CSMD1: variants seen among roughly 807,000 people sequenced by gnomAD.
CSMD1 encodes the protein CUB and sushi domain-containing protein 1.
Under a neutral mutation model 417.5 loss-of-function variants are expected in CSMD1, and 213 were observed. The ratio of observed to expected loss-of-function variants is 0.51; its 90% CI spans 0.46 to 0.57. CSMD1 has a LOEUF of 0.57. CSMD1 is among the 20% of genes least tolerant of loss of function. The probability of loss-of-function intolerance (pLI) is 0.00; values close to 1 mark genes in which losing one functional copy is unlikely to be tolerated. For missense variants in CSMD1, 6,923 were observed against 4,529.7 expected, an observed-to-expected ratio of 1.53 and a Z score of -15.17; for synonymous variants, 2,862 against 1,736.8, an observed-to-expected ratio of 1.65 and a Z score of -16.11.
At chr8:3,182,660 G>T (rs1285651554) in intron 36 of CSMD1, among the ~76,000 whole-genome samples, 1 of 49,008 alleles carries the variant, frequency 2.0e-5, no homozygotes, top group Non-Finnish European at 4.3e-5. Context: ...GGGGACTCTG[G>T]CTGTCTATAA....
intron 3 of CSMD1, among the ~76,000 whole-genome samples, chr8:4,299,674 G>A (rs531780597): frequency 9.9e-5 from 15 of 151,948 alleles, no homozygotes; most frequent in South Asian, 4.2e-4. Context: ...TCATTCTGTC[G>A]CCAGGCTGGA....
intron 3 of CSMD1, among the ~76,000 whole-genome samples, chr8:4,222,939 A>C (rs558898886): frequency 6.6e-6 from 1 of 152,294 alleles, no homozygotes; most frequent in Non-Finnish European, 1.5e-5. Flanking sequence ...AGTCCTAAAA[A>C]GACATTTCTT....
In CSMD1 at chr8:3,933,007, T is replaced by C. The variant is rs148590603; in HGVS notation, c.818+64896A>G. 8.9e-4 allele frequency among the ~76,000 whole-genome samples: 132 copies of C among 147,510 alleles called. 6 individuals are homozygous for C. Among genetic ancestry groups the C allele is most frequent in the Non-Finnish European group, 1.8e-3 (120 of 66,760 alleles). On this transcript the variant is annotated intron_variant, in intron 5 of 69. Coordinates refer to ENST00000635120, the MANE Select transcript of CSMD1 (RefSeq NM_033225.6). ...TGAAAAACTTTTTAAATGTTTAACA[T>C]TATAGAACAAGTGAAATGTATGATA...
At chr8:4,000,303 C>A (rs1298980797) in intron 4 of CSMD1, among the ~76,000 whole-genome samples, 4 of 152,246 alleles carry the variant, frequency 2.6e-5, no homozygotes, top group Non-Finnish European at 5.9e-5. Flanking sequence ...AGCTGCACAA[C>A]TGCCCAGCTC....
At position 4,678,132 on chromosome 8, in the gene CSMD1, C is replaced by CT. The variant is rs569777931; in HGVS notation, c.86-40575dup. Among the ~76,000 whole-genome samples, 837 of 148,566 alleles carry CT rather than the reference C, an allele frequency of 5.6e-3. 11 individuals carry two copies. The highest frequency in any genetic ancestry group is 0.018 in the African/African-American group (740 of 40,620). On this transcript the variant is annotated intron_variant, in intron 1 of 69. Coordinates refer to ENST00000635120, the MANE Select transcript of CSMD1 (RefSeq NM_033225.6). ...GCAAAACAGTCTAAAAAGAATTTTT[C>CT]TTTTTTTTTTGGCCACTTCTGTAAT...
In CSMD1 at chr8:3,757,317, T is replaced by C. The variant is rs145041319; in HGVS notation, c.819-3275A>G. On this transcript the variant is annotated intron_variant, in intron 5 of 69. Transcript: ENST00000635120. ...GGCTTTATGGGTCACATGGTCTTTG[T>C]TGGAAATTGTTCAACTTTGCAGGTG... Among the ~76,000 whole-genome samples, 253 of 152,312 alleles carry C rather than the reference T, an allele frequency of 1.7e-3. 1 individual carries two copies. Among genetic ancestry groups the C allele is most frequent in the African/African-American group, 5.7e-3 (239 of 41,568 alleles).
intron 2 of CSMD1, among the ~76,000 whole-genome samples, chr8:4,464,365 G>A (rs1276293829): frequency 6.6e-6 from 1 of 152,174 alleles, no homozygotes; most frequent in Non-Finnish European, 1.5e-5. Flanking sequence ...GCTGAAAAGA[G>A]TGATGAAAAT....
At chr8:4,431,654 G>A (rs1797878530) in intron 2 of CSMD1, among the ~76,000 whole-genome samples, 1 of 152,090 alleles carries the variant, frequency 6.6e-6, no homozygotes, top group African/African-American at 2.4e-5. Flanking sequence ...AGGCTAACTG[G>A]AAAGGAAGAA....
At chr8:4,265,228 T>C (rs1038474012) in intron 3 of CSMD1, among the ~76,000 whole-genome samples, 2 of 152,042 alleles carry the variant, frequency 1.3e-5, no homozygotes, top group African/African-American at 2.4e-5. Context: ...TAGTTACAAA[T>C]TGTATTCATA....
At chr8:3,417,071 C>T (rs989957726) in intron 12 of CSMD1, among the ~76,000 whole-genome samples, 6 of 152,178 alleles carry the variant, frequency 3.9e-5, no homozygotes, top group African/African-American at 4.8e-5. Flanking sequence ...TCTGCTCCCA[C>T]GGTTGTGCTT....
chr8:3,211,386 T>C (rs1311121632), intron 30 of CSMD1, among the ~76,000 whole-genome samples: 1 of 152,142 alleles, frequency 6.6e-6, no homozygotes, highest in Non-Finnish European at 1.5e-5. Context: ...ATGTAGTAAT[T>C]GTGTGGTCTA....
At chr8:4,163,047 T>C (rs923876329) in intron 3 of CSMD1, among the ~76,000 whole-genome samples, 4 of 152,216 alleles carry the variant, frequency 2.6e-5, no homozygotes, top group South Asian at 4.1e-4. Context: ...GTTCACTCTA[T>C]GTCTTTGCAT....
chr8:4,832,248 C>T (rs571837139), intron 1 of CSMD1, among the ~76,000 whole-genome samples: 17 of 152,208 alleles, frequency 1.1e-4, no homozygotes, highest in African/African-American at 4.1e-4. Context: ...GGACATTAGC[C>T]AGTAATGGAA....
chr8:4,068,539 T>TA (rs1799378307), intron 3 of CSMD1, among the ~76,000 whole-genome samples: 2 of 152,142 alleles, frequency 1.3e-5, no homozygotes, highest in South Asian at 4.1e-4. Context: ...TGCAGAAACA[T>TA]AAAATGTATC....
At chr8:4,464,715 T>G (rs907976529) in intron 2 of CSMD1, among the ~76,000 whole-genome samples, 1 of 152,024 alleles carries the variant, frequency 6.6e-6, no homozygotes, top group Admixed American at 6.6e-5. Flanking sequence ...TGTTTTAATG[T>G]ATCTACACTG....
chr8:3,493,384 A>C (rs1796217466), intron 11 of CSMD1, among the ~76,000 whole-genome samples: 1 of 151,954 alleles, frequency 6.6e-6, no homozygotes, highest in African/African-American at 2.4e-5. Context: ...ATTTTTTGCC[A>C]TAAACATATA....
At chr8:3,438,378 C>T (rs1814713550) in intron 12 of CSMD1, among the ~76,000 whole-genome samples, 4 of 152,142 alleles carry the variant, frequency 2.6e-5, no homozygotes, top group Admixed American at 2.6e-4. Context: ...TGTCCAGCAA[C>T]ACAGACATCC....
intron 3 of CSMD1, among the ~76,000 whole-genome samples, chr8:4,191,727 A>G (rs1480032396): frequency 7.2e-6 from 1 of 138,304 alleles, no homozygotes; most frequent in Non-Finnish European, 1.5e-5. Context: ...TTCCACTGAA[A>G]AAAGGGAAGG....
At chr8:3,077,311 C>G (rs1461970643) in intron 49 of CSMD1, among the ~76,000 whole-genome samples, 2 of 152,164 alleles carry the variant, frequency 1.3e-5, no homozygotes, top group Non-Finnish European at 2.9e-5. Context: ...CTAGGTCCCC[C>G]CAAGACACAG....
Sources: allele counts gnomAD v4.1 joint callset (sites outside exome capture counted in the v4.1 genomes callset), GRCh38; gene constraint gnomAD v4.1.1; transcripts MANE v1.5; gene names NCBI Gene and HGNC (gene_info 2026-07-23, HGNC 2026-07-21).